FAM81A: variants seen among roughly 807,000 people sequenced by gnomAD.
FAM81A encodes the protein protein FAM81A.
FAM81A carries 19 observed loss-of-function variants against 46.7 expected under a neutral mutation model. The observed-to-expected ratio is 0.41, with a 90% CI of 0.28 to 0.60. The LOEUF (loss-of-function observed/expected upper bound fraction) is 0.60, where lower values mean the gene tolerates loss of function less well. Ranked by LOEUF, FAM81A falls within the 20% of genes least tolerant of loss-of-function variation. FAM81A has a pLI of 0.34. For synonymous variants in FAM81A, 183 were observed against 152.9 expected (o/e 1.20, Z -1.45); for missense variants, 377 against 453.5 (o/e 0.83, Z 1.53).
At chr15:59,414,034 A>C (rs1243422849) in intron 2 of FAM81A, among the ~76,000 whole-genome samples, 1 of 151,788 alleles carries the variant, frequency 6.6e-6, no homozygotes, top group Non-Finnish European at 1.5e-5. Flanking sequence ...GCTCACTGCA[A>C]CCTCCATCTC....
Position 59,457,032 on chromosome 15 carries a change from C to T in FAM81A, c.-77-1518C>T, listed in dbSNP as rs1458236629. Reference sequence around the variant, plus strand: ...TTAATATCTCAACTGAGATGTCTTACAACTTTAAAACTGTAAAGATTCTAT... The same window carrying T: ...TTAATATCTCAACTGAGATGTCTTATAACTTTAAAACTGTAAAGATTCTAT... On this transcript the variant is annotated intron_variant, in intron 1 of 8. Transcript: ENST00000288228. 2.0e-5 allele frequency among the ~76,000 whole-genome samples: 3 copies of T among 152,220 alleles called. No individual in the cohort carries two copies. In the East Asian group the frequency reaches 5.8e-4, roughly 29 times the overall value.
At chr15:59,498,547 G>C (rs1300983034) in intron 4 of FAM81A, among the ~76,000 whole-genome samples, 1 of 152,146 alleles carries the variant, frequency 6.6e-6, no homozygotes, top group Admixed American at 6.5e-5. Flanking sequence ...CTAGAACCTC[G>C]AGTACGATGT....
chr15:59,400,525 C>T (rs1482129360), intron 1 of FAM81A, among the ~76,000 whole-genome samples: 1 of 152,094 alleles, frequency 6.6e-6, no homozygotes, highest in Non-Finnish European at 1.5e-5. Flanking sequence ...GATGATGATC[C>T]TCCTTCTCCA....
rs527446515 is a variant in FAM81A at position 59,439,655 on chromosome 15, A to T, written c.-78+1373A>T. Among the ~76,000 whole-genome samples the T allele has an allele frequency of 9.3e-5, 14 of 151,026 alleles. No homozygotes were observed. The South Asian group carries it at 3.0e-3, about 32-fold the overall frequency. Reference sequence around the variant, plus strand: ...CGTGGGTTGGGAAGACACAGTTTCCAATGCTAATGAATAAGCTTCTGCAAG... The same window carrying T: ...CGTGGGTTGGGAAGACACAGTTTCCTATGCTAATGAATAAGCTTCTGCAAG... On this transcript the variant is annotated intron_variant, in intron 1 of 8. Transcript: ENST00000288228.
chr15:59,487,173 A>AAT (rs60734980), intron 3 of FAM81A, among the ~76,000 whole-genome samples: 17 of 144,588 alleles, frequency 1.2e-4, no homozygotes, highest in Middle Eastern at 3.6e-3. Flanking sequence ...AGCACTCCTG[A>AAT]ATATATATAT....
At chr15:59,515,122 G>T (rs1025662239) in intron 7 of FAM81A, among the ~76,000 whole-genome samples, 18 of 152,210 alleles carry the variant, frequency 1.2e-4, no homozygotes, top group South Asian at 6.2e-4. Context: ...ACACACGCTT[G>T]TAGTCCCAGC....
At chr15:59,471,187 C>T (rs1303283814) in intron 3 of FAM81A, among the ~76,000 whole-genome samples, 1 of 152,164 alleles carries the variant, frequency 6.6e-6, no homozygotes, top group Non-Finnish European at 1.5e-5. Context: ...TGTATTCTTA[C>T]TGATTTTCTT....
At chr15:59,434,700 A>G (rs2081235409), upstream of FAM81A, among the ~76,000 whole-genome samples, 2 of 152,198 alleles carry the variant, frequency 1.3e-5, no homozygotes, top group Admixed American at 6.5e-5. Context: ...TCTATTATTG[A>G]GAATGAACAA....
intron 3 of FAM81A, among the ~76,000 whole-genome samples, chr15:59,491,225 C>T (rs956442560): frequency 2.0e-5 from 3 of 152,146 alleles, no homozygotes; most frequent in South Asian, 2.1e-4. Flanking sequence ...GGAGTGTATT[C>T]AGCCGTAAGA....
chr15:59,436,111 T>C (rs996085869), upstream of FAM81A, among the ~76,000 whole-genome samples: 10 of 152,220 alleles, frequency 6.6e-5, no homozygotes, highest in African/African-American at 2.4e-4. Flanking sequence ...TTTGTCTTAT[T>C]TGCTAACTGT....
intron 2 of FAM81A, among the ~76,000 whole-genome samples, chr15:59,426,899 A>T (rs149687768): frequency 6.6e-6 from 1 of 152,178 alleles, no homozygotes; most frequent in African/African-American, 2.4e-5. Context: ...ATGATTGAAC[A>T]CATTTCTTTT....
At chr15:59,480,224 C>T (rs1368331173) in intron 3 of FAM81A, among the ~76,000 whole-genome samples, 2 of 152,200 alleles carry the variant, frequency 1.3e-5, no homozygotes, top group African/African-American at 2.4e-5. Flanking sequence ...CCTTATAATT[C>T]GCTGCTCTGC....
At chr15:59,481,487 T>C (rs1279546223) in intron 3 of FAM81A, among the ~76,000 whole-genome samples, 3 of 152,090 alleles carry the variant, frequency 2.0e-5, no homozygotes, top group African/African-American at 7.2e-5. Context: ...TAAGCAAAAC[T>C]TTCACATTCT....
intron 3 of FAM81A, among the ~76,000 whole-genome samples, chr15:59,488,368 G>T (rs559805666): frequency 4.7e-4 from 71 of 152,186 alleles, no homozygotes; most frequent in Non-Finnish European, 8.7e-4. Flanking sequence ...ACACAAAAAG[G>T]ATGCCCACTT....
At chr15:59,418,997 C>T (rs2081159060) in intron 2 of FAM81A, among the ~76,000 whole-genome samples, 1 of 152,172 alleles carries the variant, frequency 6.6e-6, no homozygotes, top group African/African-American at 2.4e-5. Context: ...ATGTCTTAGG[C>T]AGAAGACTGA....
At chr15:59,422,379 C>T (rs1282261755) in intron 2 of FAM81A, among the ~76,000 whole-genome samples, 1 of 152,046 alleles carries the variant, frequency 6.6e-6, no homozygotes, top group African/African-American at 2.4e-5. Context: ...CAGAGTGAGA[C>T]CTTGTCTCTA....
chr15:59,437,630 C>T (rs769720227), upstream of FAM81A, among the ~76,000 whole-genome samples: 1 of 152,114 alleles, frequency 6.6e-6, no homozygotes, highest in African/African-American at 2.4e-5. Context: ...ATGGCAGCCC[C>T]GGAGGGTTCG....
In FAM81A at chr15:59,521,373, A is replaced by G; in HGVS notation, c.1102A>G (p.Met368Val). The G allele has an allele frequency of 1.9e-6, 3 of 1,608,658 alleles. No individual in the cohort carries two copies. The highest frequency in any genetic ancestry group is 1.7e-4 in the Middle Eastern group (1 of 6,046). ...GCTGATGCAGAAGCCAGAGACCCCC[A>G]TGTGAAGGGAGCTGGGACAAGGTCC... ...IQLMQKPETP[M>V] The change falls in exon 9 of 9, where the codon ATG (methionine) becomes GTG (valine). Residue 368 changes from methionine to valine, a missense_variant. Transcript: ENST00000288228.
chr15:59,484,100 A>T (rs1306067414), intron 3 of FAM81A, among the ~76,000 whole-genome samples: 3 of 152,202 alleles, frequency 2.0e-5, no homozygotes. Context: ...AGAGAGAGCA[A>T]AGTCACATAG....
Sources: gnomAD v4.1 joint callset for allele counts (sites outside exome capture counted in the v4.1 genomes callset) on GRCh38, gnomAD v4.1.1 for gene constraint, MANE v1.5 for transcripts, NCBI Gene and HGNC (gene_info 2026-07-23, HGNC 2026-07-21) for gene names.